Variants in ALDH1A2 observed in about 807,000 individuals in gnomAD.
ALDH1A2 encodes the protein aldehyde dehydrogenase 1 family member A2, also known as retinal dehydrogenase 2.
ALDH1A2 carries 27 observed loss-of-function variants against 60.3 expected under a neutral mutation model. The observed-to-expected ratio is 0.45, with a 90% CI of 0.33 to 0.62. The LOEUF (loss-of-function observed/expected upper bound fraction) is 0.62, where lower values mean the gene tolerates loss of function less well. Ranked by LOEUF, ALDH1A2 falls within the 20% of genes least tolerant of loss-of-function variation. The pLI is 0.02. For missense variants in ALDH1A2, 581 were observed against 643.8 expected (o/e 0.90, Z 1.06); for synonymous variants, 289 against 232.4 (o/e 1.24, Z -2.21).
In ALDH1A2 at chr15:57,954,483, A is replaced by G. The variant is rs1241544110; in HGVS notation, c.*714T>C. The G allele has an allele frequency of 6.5e-6, 1 of 153,744 alleles. No homozygotes were observed. The highest frequency in any genetic ancestry group is 1.5e-5 in the Non-Finnish European group (1 of 68,722). The allele number at this position is 153,744 out of a possible 1,614,324, so 9.5% of individuals were successfully genotyped here. A position where few individuals can be genotyped will look rare whatever the true frequency, so the allele number is the denominator to read the frequency against. On this transcript the variant is annotated 3_prime_UTR_variant, in exon 13 of 13. Transcript: ENST00000249750. ...ACCCCAAAACTGCAGCAAGCTCAGA[A>G]GCGGTGAACTGCACATGATGACTTC...
At position 57,954,240 on chromosome 15, in the gene ALDH1A2, C is replaced by G. The variant is rs1266150512; in HGVS notation, c.*957G>C. The stretch of plus-strand genomic sequence containing the variant: ...GTAGAGGTTCAGAAGGTACAGATTC[C>G]AACTACAGAAATAATTCATTTAATA... On this transcript the variant is annotated 3_prime_UTR_variant, in exon 13 of 13. Transcript: ENST00000249750. 2 of 152,310 alleles carry G rather than the reference C, an allele frequency of 1.3e-5. No individual in the cohort carries two copies. Among genetic ancestry groups the G allele is most frequent in the South Asian group, 4.1e-4 (2 of 4,826 alleles). 9.4% of individuals were successfully genotyped at this position (152,310 alleles called of 1,614,324 possible).
chr15:57,966,478 T>A (rs946354404), intron 7 of ALDH1A2, among the ~76,000 whole-genome samples: 3 of 152,154 alleles, frequency 2.0e-5, no homozygotes, highest in Non-Finnish European at 4.4e-5. Context: ...GAAAGTGTCA[T>A]AATGGAAGCA....
chr15:57,989,132 G>A, intron 7 of ALDH1A2, among the ~76,000 whole-genome samples: 1 of 152,240 alleles, frequency 6.6e-6, no homozygotes, highest in East Asian at 1.9e-4. Context: ...CTGGGTGACA[G>A]GGCAAGACTC....
intron 7 of ALDH1A2, among the ~76,000 whole-genome samples, chr15:57,986,798 G>C (rs1183967511): frequency 6.6e-6 from 1 of 152,028 alleles, no homozygotes; most frequent in Admixed American, 6.6e-5. Flanking sequence ...TCAACCTCCT[G>C]AGTAGCTGAG....
intron 1 of ALDH1A2, among the ~76,000 whole-genome samples, chr15:58,024,517 A>C (rs1300505899): frequency 6.6e-6 from 1 of 152,136 alleles, no homozygotes; most frequent in African/African-American, 2.4e-5. Flanking sequence ...AGAGAATATA[A>C]AATCTAAATA....
intron 7 of ALDH1A2, among the ~76,000 whole-genome samples, chr15:57,987,083 T>G (rs1488210918): frequency 6.6e-6 from 1 of 152,102 alleles, no homozygotes; most frequent in Non-Finnish European, 1.5e-5. Context: ...CTGAAGCAGA[T>G]TAAGCATTAC....
chr15:58,064,643 A>G (rs1202810839), intron 1 of ALDH1A2, among the ~76,000 whole-genome samples: 1 of 152,226 alleles, frequency 6.6e-6, no homozygotes, highest in Non-Finnish European at 1.5e-5. Flanking sequence ...ATGAACTCCA[A>G]GAAACGTGGT....
At chr15:58,053,071 C>CAGCCATGA (rs1488350740) in intron 1 of ALDH1A2, among the ~76,000 whole-genome samples, 4 of 152,100 alleles carry the variant, frequency 2.6e-5, no homozygotes, top group African/African-American at 9.7e-5. Context: ...TGTGTCAAGG[C>CAGCCATGA]AGCCATGATA....
intron 1 of ALDH1A2, among the ~76,000 whole-genome samples, chr15:58,051,769 C>A (rs1479528821): frequency 6.6e-6 from 1 of 152,134 alleles, no homozygotes; most frequent in Non-Finnish European, 1.5e-5. Flanking sequence ...AACTCCAGAT[C>A]TCTTAGGTCA....
At chr15:58,036,038 A>G (rs1451955014) in intron 1 of ALDH1A2, among the ~76,000 whole-genome samples, 1 of 151,734 alleles carries the variant, frequency 6.6e-6, no homozygotes, top group East Asian at 1.9e-4. Flanking sequence ...GTATGCAAGG[A>G]TAGCTCTTAC....
intron 1 of ALDH1A2, among the ~76,000 whole-genome samples, chr15:58,063,612 A>C (rs889022661): frequency 1.3e-5 from 2 of 152,156 alleles, no homozygotes; most frequent in East Asian, 3.8e-4. Context: ...AGTCTCACTA[A>C]AGAGCTGAGG....
intron 1 of ALDH1A2, among the ~76,000 whole-genome samples, chr15:58,022,036 G>A (rs1007747627): frequency 6.6e-6 from 1 of 152,148 alleles, no homozygotes; most frequent in Admixed American, 6.5e-5. Context: ...ACTGATGATG[G>A]CCAAATCCTC....
chr15:57,957,736 T>C (rs1893575986), intron 12 of ALDH1A2, among the ~76,000 whole-genome samples: 1 of 152,194 alleles, frequency 6.6e-6, no homozygotes, highest in South Asian at 2.1e-4. Flanking sequence ...TCAGTATTGG[T>C]AGCTCTTCGC....
At chr15:57,955,514 T>G (rs1172691964) in intron 12 of ALDH1A2, among the ~76,000 whole-genome samples, 1 of 152,198 alleles carries the variant, frequency 6.6e-6, no homozygotes, top group Non-Finnish European at 1.5e-5. Flanking sequence ...AGTTTTAAAG[T>G]TAAAAGGTGA....
At chr15:57,993,226 A>G (rs558489752) in intron 5 of ALDH1A2, among the ~76,000 whole-genome samples, 153 bp from the exon 6 acceptor site, 3 of 152,350 alleles carry the variant, frequency 2.0e-5, no homozygotes, top group African/African-American at 7.2e-5. Context: ...TTACTTCATT[A>G]AGAATAGAAT....
chr15:58,025,802 G>A (rs1471720952), intron 1 of ALDH1A2, among the ~76,000 whole-genome samples: 1 of 152,230 alleles, frequency 6.6e-6, no homozygotes, highest in African/African-American at 2.4e-5. Context: ...ATGTGAAGGG[G>A]AAGCAGGTGT....
intron 12 of ALDH1A2, 66 bp downstream of exon 12, chr15:57,960,704 A>AT (rs1404116758): frequency 5.8e-6 from 8 of 1,374,190 alleles, no homozygotes; most frequent in African/African-American, 1.4e-5. Flanking sequence ...ACTATTTTTT[A>AT]AGTACTGCTC....
chr15:58,064,858 T>TAA (rs4646550), intron 1 of ALDH1A2, among the ~76,000 whole-genome samples: 98 of 144,866 alleles, frequency 6.8e-4, no homozygotes, highest in Admixed American at 1.0e-3. Flanking sequence ...ACGTTCGTTA[T>TAA]AAAAAAAAAA....
chr15:58,039,394 G>T (rs1896457863), intron 1 of ALDH1A2, among the ~76,000 whole-genome samples: 1 of 151,666 alleles, frequency 6.6e-6, no homozygotes, highest in Admixed American at 6.6e-5. Flanking sequence ...ATAACCCCGG[G>T]AAAGGAAGGG....
Sources: allele counts gnomAD v4.1 joint callset (sites outside exome capture counted in the v4.1 genomes callset), GRCh38; gene constraint gnomAD v4.1.1; transcripts MANE v1.5; gene names NCBI Gene and HGNC (gene_info 2026-07-23, HGNC 2026-07-21).